The following TSPEAR variants were observed in gnomAD, a reference collection of about 807,000 sequenced individuals.
The protein encoded by TSPEAR is thrombospondin-type laminin G domain and EAR repeat-containing protein.
TSPEAR carries 69 observed loss-of-function variants against 71.6 expected under a neutral mutation model. The ratio of observed to expected loss-of-function variants is 0.96; its 90% confidence interval spans 0.79 to 1.18. The LOEUF (loss-of-function observed/expected upper bound fraction) is 1.18. Among genes scored for constraint, TSPEAR ranks in the 50% most tolerant of loss-of-function variants. TSPEAR has a pLI of 0.00. For missense variants in TSPEAR, 971 were observed against 894.9 expected (o/e 1.09, Z -1.09); for synonymous variants, 402 against 387.2 (o/e 1.04, Z -0.45).
In TSPEAR at chr21:44,567,768, C is replaced by T. The variant is rs782477803; in HGVS notation, c.303+17G>A. ...AATTACGCTATTATAACACGAAGTG[C>T]AGAAAGTGCCACTGACCTTGGGTGG... On this transcript the variant is annotated intron_variant, in intron 2 of 11. Transcript: ENST00000323084. 1 of 1,542,102 alleles carries T rather than the reference C, an allele frequency of 6.5e-7. No individual in the cohort carries two copies. Among genetic ancestry groups the T allele is most frequent in the Admixed American group, 1.9e-5 (1 of 51,794 alleles).
intron 1 of TSPEAR, chr21:44,646,556 C>T: frequency 2.5e-6 from 4 of 1,612,464 alleles, no homozygotes; most frequent in South Asian, 1.1e-5. Flanking sequence ...CCCTGCAGCG[C>T]CCCCAGCTGC....
At chr21:44,637,821 C>T (rs1162402706) in intron 1 of TSPEAR, 3 of 1,367,902 alleles carry the variant, frequency 2.2e-6, no homozygotes, top group Non-Finnish European at 3.0e-6. Context: ...TGCCAGCCAA[C>T]TTGCTGCACC....
At chr21:44,640,142 T>C (rs1401737387) in intron 1 of TSPEAR, among the ~76,000 whole-genome samples, 2 of 152,116 alleles carry the variant, frequency 1.3e-5, no homozygotes, top group Non-Finnish European at 2.9e-5. Context: ...CAAATGTCCA[T>C]CAGAGGATGA....
chr21:44,602,559 G>A (rs587662818), intron 1 of TSPEAR, among the ~76,000 whole-genome samples: 35 of 152,304 alleles, frequency 2.3e-4, no homozygotes, highest in African/African-American at 7.5e-4. Context: ...TGGGATTTCC[G>A]AGGGGCTCCC....
rs139972361 is a variant in TSPEAR, at chr21:44,625,639, C to T, written c.83-57634G>A. Among the ~76,000 whole-genome samples the T allele has an allele frequency of 1.1e-3, 171 of 152,338 alleles. 4 individuals are homozygous for T. The East Asian group carries it at 0.028, about 25-fold the overall frequency. ...TCTGAGTGGACCTCGGGGAAGGCCG[C>T]GGGGAGCGGCATGGCCTCTCTTTCC... On this transcript the variant is annotated intron_variant, in intron 1 of 11. Coordinates refer to ENST00000323084, the MANE Select transcript of TSPEAR (RefSeq NM_144991.3).
intron 1 of TSPEAR, chr21:44,697,036 TCCCTCCCTCCTGCC>T: frequency 9.8e-7 from 1 of 1,021,612 alleles, no homozygotes; most frequent in Non-Finnish European, 1.4e-6. Context: ...GCTCACTCAC[TCCCTCCCTCCTGCC>T]CATCCAGCAC....
intron 1 of TSPEAR, among the ~76,000 whole-genome samples, chr21:44,652,445 T>A (rs1424751932): frequency 6.6e-6 from 1 of 152,180 alleles, no homozygotes; most frequent in Non-Finnish European, 1.5e-5. Context: ...TGGTTACAGG[T>A]GACTGAGTGA....
chr21:44,550,895 G>A (rs782475851), intron 2 of TSPEAR: 11 of 1,406,994 alleles, frequency 7.8e-6, no homozygotes, highest in Admixed American at 2.2e-5. Context: ...AGACAGGCTT[G>A]CAGCAGACGG....
At chr21:44,701,148 G>A (rs1273613761) in intron 1 of TSPEAR, among the ~76,000 whole-genome samples, 1 of 152,200 alleles carries the variant, frequency 6.6e-6, no homozygotes, top group Non-Finnish European at 1.5e-5. Context: ...CATCATTATT[G>A]TACATATCCA....
chr21:44,660,968 A>G (rs1489383720), intron 1 of TSPEAR, among the ~76,000 whole-genome samples: 1 of 150,606 alleles, frequency 6.6e-6, no homozygotes, highest in Non-Finnish European at 1.5e-5. Flanking sequence ...GAAAGAAAAG[A>G]AGAGCTCTAG....
intron 1 of TSPEAR, among the ~76,000 whole-genome samples, chr21:44,590,291 C>T (rs947168991): frequency 2.0e-5 from 3 of 152,244 alleles, no homozygotes; most frequent in Non-Finnish European, 4.4e-5. Context: ...TCGTGGACCA[C>T]GTCTGAGTGC....
In TSPEAR at chr21:44,615,869, G is replaced by GTTAA. The variant is rs1982058139; in HGVS notation, c.83-47865_83-47864insTTAA. 5.3e-5 allele frequency among the ~76,000 whole-genome samples: 8 copies of GTTAA among 152,218 alleles called. 1 individual carries two copies. The South Asian group carries it at 1.7e-3, about 32-fold the overall frequency. ...ATTTAACCCAGGAGCGTCCTCCCGG[G>GTTAA]ACCAGACCCTGAGCATTCTGGACAC... On this transcript the variant is annotated intron_variant, in intron 1 of 11. Transcript: ENST00000323084.
At chr21:44,515,376 C>A (rs1555913252) in intron 9 of TSPEAR, 1 of 152,366 alleles carries the variant, frequency 6.6e-6, no homozygotes, top group African/African-American at 2.4e-5. Flanking sequence ...CATGATGGCG[C>A]CCCCAGCAGC....
intron 1 of TSPEAR, among the ~76,000 whole-genome samples, chr21:44,689,363 G>A (rs368284612): frequency 2.5e-4 from 38 of 151,804 alleles, no homozygotes; most frequent in African/African-American, 7.5e-4. Flanking sequence ...TTAGCCAGGC[G>A]TGTTGGCGGG....
At chr21:44,658,954 G>A (rs1985332910) in intron 1 of TSPEAR, among the ~76,000 whole-genome samples, 1 of 152,138 alleles carries the variant, frequency 6.6e-6, no homozygotes, top group African/African-American at 2.4e-5. Context: ...GGATTACTGT[G>A]GCAAAGAGGG....
Position 44,647,377 on chromosome 21 carries a change from C to T in TSPEAR, c.82+64056G>A, listed in dbSNP as rs782492153. 3.1e-6 allele frequency: 5 copies of T among 1,605,828 alleles called. No individual in the cohort carries two copies. The African/African-American group carries it at 5.3e-5, about 17-fold the overall frequency. ...CTGAGTGCTCAATCCTTGTCTCCTG[C>T]TGACTGTGTCTTTGCTGCCAAGCAG... On this transcript the variant is annotated intron_variant, in intron 1 of 11. Coordinates refer to ENST00000323084, the MANE Select transcript of TSPEAR (RefSeq NM_144991.3).
intron 1 of TSPEAR, among the ~76,000 whole-genome samples, chr21:44,709,063 G>A (rs1479432323): frequency 6.6e-6 from 1 of 152,172 alleles, no homozygotes; most frequent in Non-Finnish European, 1.5e-5. Flanking sequence ...AGACGTGGCC[G>A]CCCTCGCATC....
intron 1 of TSPEAR, among the ~76,000 whole-genome samples, chr21:44,617,630 C>T (rs116081774): frequency 1.0e-3 from 155 of 152,358 alleles, no homozygotes; most frequent in African/African-American, 3.6e-3. Flanking sequence ...GGCCCTGAGT[C>T]TTTACTTCTT....
chr21:44,563,942 T>C (rs1050959830), intron 2 of TSPEAR, among the ~76,000 whole-genome samples: 5 of 152,216 alleles, frequency 3.3e-5, no homozygotes, highest in East Asian at 3.8e-4. Flanking sequence ...CACAGCCTTT[T>C]TGCACTTAGG....
Sources: gnomAD v4.1 joint callset for allele counts (sites outside exome capture counted in the v4.1 genomes callset) on GRCh38, gnomAD v4.1.1 for gene constraint, MANE v1.5 for transcripts, NCBI Gene and HGNC (gene_info 2026-07-23, HGNC 2026-07-21) for gene names.